Variants in LPGAT1 observed in about 807,000 individuals in gnomAD.
LPGAT1 encodes the protein lysophosphatidylglycerol acyltransferase 1, also known as acyl-CoA:lysophosphatidylglycerol acyltransferase 1.
LPGAT1 carries 11 observed loss-of-function variants against 47.5 expected under a neutral mutation model. The ratio of observed to expected loss-of-function variants is 0.23; its 90% confidence interval spans 0.15 to 0.38. The LOEUF is 0.38. LPGAT1 is among the 10% of genes least tolerant of loss of function. The pLI is 1.00. For missense variants in LPGAT1, 293 were observed against 439.0 expected (o/e 0.67, Z 2.97); for synonymous variants, 138 against 144.2 (o/e 0.96, Z 0.31).
chr1:211,822,918 T>C (rs1016242489), intron 2 of LPGAT1, among the ~76,000 whole-genome samples: 3 of 152,190 alleles, frequency 2.0e-5, no homozygotes, highest in African/African-American at 7.2e-5. Flanking sequence ...CTTAAGGAAG[T>C]TAGATTTTAT....
chr1:211,820,025 T>A (rs986841673), intron 2 of LPGAT1, among the ~76,000 whole-genome samples: 1 of 151,494 alleles, frequency 6.6e-6, no homozygotes, highest in Non-Finnish European at 1.5e-5. Flanking sequence ...TACATTGGCA[T>A]GCTGGAGCCA....
intron 6 of LPGAT1, among the ~76,000 whole-genome samples, chr1:211,756,235 C>CA (rs1558254035): frequency 1.3e-5 from 2 of 151,602 alleles, no homozygotes; most frequent in South Asian, 4.2e-4. Context: ...GACTCCGTCT[C>CA]AAAAAAAACC....
At chr1:211,756,488 C>T (rs548700598) in intron 6 of LPGAT1, among the ~76,000 whole-genome samples, 3 of 152,238 alleles carry the variant, frequency 2.0e-5, no homozygotes, top group South Asian at 4.1e-4. Context: ...TCATCATGCC[C>T]AGCTAATTTT....
At chr1:211,779,475 TGAG>T (rs1658547278) in intron 5 of LPGAT1, among the ~76,000 whole-genome samples, 1 of 152,162 alleles carries the variant, frequency 6.6e-6, no homozygotes, top group Middle Eastern at 3.2e-3. Context: ...CTTATGATAC[TGAG>T]GATGGGCATT....
At chr1:211,768,089 T>C (rs1372534586) in intron 6 of LPGAT1, among the ~76,000 whole-genome samples, 1 of 152,210 alleles carries the variant, frequency 6.6e-6, no homozygotes. Context: ...TTAAAATCTC[T>C]TAAAGCTCAG....
At chr1:211,776,741 A>G (rs1658416956) in intron 6 of LPGAT1, among the ~76,000 whole-genome samples, 2 of 151,632 alleles carry the variant, frequency 1.3e-5, no homozygotes. Context: ...AATTATGCTT[A>G]ACTGCAGAAA....
rs1350200041 is a variant in LPGAT1, at chr1:211,746,798, G to T, written c.*3101C>A. On this transcript the variant is annotated 3_prime_UTR_variant, in exon 8 of 8. Coordinates refer to ENST00000366997, the MANE Select transcript of LPGAT1 (RefSeq NM_014873.3). ...TTTCTTTACCTTCCATTACTTACAG[G>T]TTTCTCTGCAATTTAAGTACAGTTC... 1 of 152,026 alleles carries T rather than the reference G, an allele frequency of 6.6e-6. No homozygotes were observed. Among genetic ancestry groups the T allele is most frequent in the Admixed American group, 6.6e-5 (1 of 15,258 alleles). The allele number at this position is 152,026 out of a possible 1,614,324, so 9.4% of individuals were successfully genotyped here.
chr1:211,799,902 A>G (rs1028279289), intron 2 of LPGAT1, among the ~76,000 whole-genome samples: 3 of 152,168 alleles, frequency 2.0e-5, no homozygotes, highest in African/African-American at 7.2e-5. Context: ...TCATCTGAAG[A>G]TGAAACCTAA....
chr1:211,804,300 T>C (rs971977486), intron 2 of LPGAT1, among the ~76,000 whole-genome samples: 1 of 152,114 alleles, frequency 6.6e-6, no homozygotes, highest in Non-Finnish European at 1.5e-5. Context: ...TCCTCCCACC[T>C]TGGGCTCCCA....
chr1:211,822,984 G>C (rs1312762440), intron 2 of LPGAT1, among the ~76,000 whole-genome samples: 1 of 152,090 alleles, frequency 6.6e-6, no homozygotes, highest in Non-Finnish European at 1.5e-5. Flanking sequence ...TTAACCTCTT[G>C]AAGAAATCTA....
rs1443618152 is a variant in LPGAT1 at position 211,746,034 on chromosome 1, T to A, written c.*3865A>T. 1 of 152,600 alleles carries A rather than the reference T, an allele frequency of 6.6e-6. No homozygotes were observed. The highest frequency in any genetic ancestry group is 1.5e-5 in the Non-Finnish European group (1 of 68,024). The allele number at this position is 152,600 out of a possible 1,614,324, so 9.5% of individuals were successfully genotyped here. A position where few individuals can be genotyped will look rare whatever the true frequency, so the allele number is the denominator to read the frequency against. On this transcript the variant is annotated 3_prime_UTR_variant, in exon 8 of 8. Coordinates refer to ENST00000366997, the MANE Select transcript of LPGAT1 (RefSeq NM_014873.3). ...AAAACAATTAACTCTTCCTACTCAG[T>A]AGTGCAAATAAAACATTTTCTTTTC...
chr1:211,760,457 C>T (rs931671721), intron 6 of LPGAT1, among the ~76,000 whole-genome samples: 3 of 152,080 alleles, frequency 2.0e-5, no homozygotes, highest in Non-Finnish European at 2.9e-5. Context: ...CTCCGTCCCC[C>T]CAACCCCCCT....
intron 2 of LPGAT1, among the ~76,000 whole-genome samples, chr1:211,823,444 T>C (rs532033294): frequency 1.3e-5 from 2 of 152,282 alleles, no homozygotes; most frequent in South Asian, 4.1e-4. Context: ...TCCCTCCCTG[T>C]CACCACCTAC....
chr1:211,795,619 G>A (rs1178096113), intron 2 of LPGAT1, among the ~76,000 whole-genome samples: 7 of 152,026 alleles, frequency 4.6e-5, no homozygotes, highest in South Asian at 4.1e-4. Context: ...CGCCCACCTC[G>A]GCCTCCCAAC....
chr1:211,786,352 T>G (rs1172705688), intron 4 of LPGAT1, among the ~76,000 whole-genome samples: 1 of 151,976 alleles, frequency 6.6e-6, no homozygotes, highest in Non-Finnish European at 1.5e-5. Context: ...TGGAAAAGGC[T>G]TAATTAGATT....
At chr1:211,795,027 G>A (rs1157264755) in intron 2 of LPGAT1, among the ~76,000 whole-genome samples, 1 of 152,154 alleles carries the variant, frequency 6.6e-6, no homozygotes, top group African/African-American at 2.4e-5. Context: ...AGAAATGGTG[G>A]TTGCCAGGGG....
In LPGAT1 at chr1:211,802,816, C is replaced by T. The variant is rs72746554; in HGVS notation, c.239-9626G>A. 7.5e-3 allele frequency among the ~76,000 whole-genome samples: 1,138 copies of T among 152,132 alleles called. 5 individuals are homozygous for T. The highest frequency in any genetic ancestry group is 0.013 in the Non-Finnish European group (907 of 68,000). On this transcript the variant is annotated intron_variant, in intron 2 of 7. Transcript: ENST00000366997. ...GGCTAGCACAGTGGATAAAAACAGACCTATACCAAGACATACATCCCCATG... is the reference window on the plus strand; with the variant it reads ...GGCTAGCACAGTGGATAAAAACAGATCTATACCAAGACATACATCCCCATG...
At chr1:211,789,551 TG>T (rs1387245844) in intron 3 of LPGAT1, among the ~76,000 whole-genome samples, 1 of 152,130 alleles carries the variant, frequency 6.6e-6, no homozygotes, top group Non-Finnish European at 1.5e-5. Flanking sequence ...TATCATAAAT[TG>T]TCATAAAAGG....
intron 2 of LPGAT1, chr1:211,803,018 G>C (rs1341443327): frequency 2.6e-5 from 4 of 152,042 alleles, no homozygotes; most frequent in African/African-American, 9.7e-5. Flanking sequence ...GTGAAGAAAG[G>C]CTGGTCTAAA....
Sources: gnomAD v4.1 joint callset for allele counts (sites outside exome capture counted in the v4.1 genomes callset) on GRCh38, gnomAD v4.1.1 for gene constraint, MANE v1.5 for transcripts, NCBI Gene and HGNC (gene_info 2026-07-23, HGNC 2026-07-21) for gene names.